Variants in OSBP2 observed in about 807,000 individuals in gnomAD.
OSBP2 encodes the protein oxysterol binding protein 2, also known as oxysterol-binding protein 2.
In OSBP2, 66 loss-of-function variants were observed where a neutral mutation model predicts 96.0. That is an observed-to-expected ratio of 0.69 (90% CI 0.56 to 0.84). The LOEUF (loss-of-function observed/expected upper bound fraction) is 0.84, where lower values mean the gene tolerates loss of function less well. Among genes scored for constraint, OSBP2 ranks in the 40% least tolerant of loss-of-function variants. OSBP2 has a pLI of 0.00. For missense variants in OSBP2, 1,038 were observed against 1,222.7 expected (o/e 0.85, Z 2.25); for synonymous variants, 525 against 520.9 (o/e 1.01, Z -0.11).
At chr22:30,709,548 ACT>A (rs2089310412) in intron 1 of OSBP2, among the ~76,000 whole-genome samples, 1 of 151,144 alleles carries the variant, frequency 6.6e-6, no homozygotes, top group Admixed American at 6.6e-5. Flanking sequence ...ACAGAGTCTC[ACT>A]CTGTCTCCAG....
At chr22:30,730,497 T>G (rs553989355) in intron 1 of OSBP2, among the ~76,000 whole-genome samples, 1 of 152,146 alleles carries the variant, frequency 6.6e-6, no homozygotes, top group Admixed American at 6.6e-5. Context: ...TTTATTTTTG[T>G]ATCTACTCCC....
chr22:30,870,641 C>T lies in OSBP2; in HGVS notation c.1066C>T (p.Arg356Trp), dbSNP rs773995691. The T allele has an allele frequency of 4.3e-6, 7 of 1,613,768 alleles. No individual in the cohort carries two copies. The highest frequency in any genetic ancestry group is 2.2e-5 in the East Asian group (1 of 44,870). ...SGEKLKVVNE[R>W]ATLFRITSNA... ...GGAGAAGCTGAAGGTGGTGAATGAG[C>T]GGGCCACCCTCTTCCGCATCACATC... Residue 356 changes from arginine to tryptophan, a missense_variant, in exon 3 of 14, where the codon CGG becomes TGG. By Grantham distance (101) the Arg-to-Trp change is moderately radical. Transcript: ENST00000332585. The surrounding 1 kb of genome is among the most constrained non-coding windows in gnomAD (Gnocchi z 4.1).
At chr22:30,863,163 T>G (rs1056151502) in intron 2 of OSBP2, among the ~76,000 whole-genome samples, 1 of 152,076 alleles carries the variant, frequency 6.6e-6, no homozygotes, top group Non-Finnish European at 1.5e-5. Context: ...TCAAACACGG[T>G]GACGTTGCTT....
intron 1 of OSBP2, among the ~76,000 whole-genome samples, chr22:30,725,761 T>C (rs531691661): frequency 5.9e-5 from 9 of 151,998 alleles, no homozygotes; most frequent in Non-Finnish European, 1.3e-4. Context: ...GCTTTTCTAA[T>C]TTATGGCCCT....
At chr22:30,889,275 C>T (rs1343611546) in intron 6 of OSBP2, 41 bp downstream of exon 6, 3 of 1,589,590 alleles carry the variant, frequency 1.9e-6, no homozygotes, top group Non-Finnish European at 2.6e-6. Flanking sequence ...AAGGCAGCTT[C>T]TGGCCTAGGG....
At chr22:30,705,994 G>A (rs187889450) in intron 1 of OSBP2, among the ~76,000 whole-genome samples, 14 of 152,294 alleles carry the variant, frequency 9.2e-5, no homozygotes, top group Non-Finnish European at 1.5e-5. Context: ...AACTATGTCA[G>A]TAAAGAAAGA....
intron 2 of OSBP2, among the ~76,000 whole-genome samples, chr22:30,809,237 G>C (rs963353704): frequency 6.6e-6 from 1 of 152,200 alleles, no homozygotes; most frequent in South Asian, 2.1e-4. Flanking sequence ...ATTTTTGGCA[G>C]CCCTAGGAAA....
At chr22:30,892,675 G>A (rs1602428412) in intron 8 of OSBP2, among the ~76,000 whole-genome samples, 1 of 152,142 alleles carries the variant, frequency 6.6e-6, no homozygotes, top group Non-Finnish European at 1.5e-5. Flanking sequence ...GCCAGAGGCA[G>A]GGCCCGACTG....
At position 30,842,027 on chromosome 22, in the gene OSBP2, C is replaced by A. The variant is rs555796686; in HGVS notation, c.854-28402C>A. Among the ~76,000 whole-genome samples the A allele has an allele frequency of 1.2e-4, 18 of 152,094 alleles. No individual in the cohort carries two copies. In the East Asian group the frequency reaches 3.5e-3, roughly 29 times the overall value. On this transcript the variant is annotated intron_variant, in intron 2 of 13. Coordinates refer to ENST00000332585, the MANE Select transcript of OSBP2 (RefSeq NM_030758.4). ...GTGGAGAGGTCACAGCTCACTGGAG[C>A]CTTCACCTCCCTGGGCTCAGGTGAT...
At chr22:30,877,684 C>A (rs1392503723) in intron 3 of OSBP2, among the ~76,000 whole-genome samples, 1 of 152,228 alleles carries the variant, frequency 6.6e-6, no homozygotes, top group Non-Finnish European at 1.5e-5. Flanking sequence ...GGCAGCTGGG[C>A]TCCATCCTGC....
At chr22:30,885,249 G>C (rs897986046) in intron 3 of OSBP2, among the ~76,000 whole-genome samples, 1 of 152,174 alleles carries the variant, frequency 6.6e-6, no homozygotes, top group Non-Finnish European at 1.5e-5. Context: ...GGAAGTGCTG[G>C]GGAGTGGCAG....
chr22:30,799,422 C>T (rs1168701326), intron 2 of OSBP2, among the ~76,000 whole-genome samples: 3 of 152,240 alleles, frequency 2.0e-5, no homozygotes, highest in Admixed American at 2.0e-4. Context: ...CCACGCCCAG[C>T]CTGCAAGGGT....
chr22:30,744,061 T>C (rs1200504461), intron 2 of OSBP2, among the ~76,000 whole-genome samples: 2 of 152,198 alleles, frequency 1.3e-5, no homozygotes, highest in African/African-American at 4.8e-5. Context: ...ATTCCTCTCC[T>C]GTTGGCTTTT....
At chr22:30,845,630 T>G (rs2038852753) in intron 2 of OSBP2, among the ~76,000 whole-genome samples, 1 of 151,112 alleles carries the variant, frequency 6.6e-6, no homozygotes, top group African/African-American at 2.4e-5. Context: ...ACACCTGTAA[T>G]CCCAACACTT....
At chr22:30,887,331 C>G (rs1010378742) in intron 3 of OSBP2, 95 bp from the exon 4 acceptor site, 1 of 1,027,704 alleles carries the variant, frequency 9.7e-7, no homozygotes, top group African/African-American at 1.6e-5. Flanking sequence ...TTACCCAGCT[C>G]CTGTTTAAGG....
chr22:30,890,429 C>T lies in OSBP2; in HGVS notation c.1624-299C>T, dbSNP rs1005435666. 3.9e-5 allele frequency among the ~76,000 whole-genome samples: 6 copies of T among 152,210 alleles called. No homozygotes were observed. Among genetic ancestry groups the T allele is most frequent in the African/African-American group, 1.2e-4 (5 of 41,436 alleles). Reference sequence around the variant, plus strand: ...TCTGCACTCAAGATACAGCAGTGGGCCAGGCAGAACCCCTGGCCTTGGTGG... The same window carrying T: ...TCTGCACTCAAGATACAGCAGTGGGTCAGGCAGAACCCCTGGCCTTGGTGG... On this transcript the variant is annotated intron_variant, in intron 7 of 13. Transcript: ENST00000332585. This position sits in a 1 kb window ranked among gnomAD's most constrained non-coding sequence, Gnocchi z 4.4.
At chr22:30,824,640 C>G (rs2038359528) in intron 2 of OSBP2, among the ~76,000 whole-genome samples, 1 of 152,180 alleles carries the variant, frequency 6.6e-6, no homozygotes, top group Admixed American at 6.5e-5. Context: ...AGCATGCAAA[C>G]AGGGTGAGAC....
chr22:30,867,978 C>T (rs558291297), intron 2 of OSBP2, among the ~76,000 whole-genome samples: 62 of 152,376 alleles, frequency 4.1e-4, no homozygotes, highest in African/African-American at 1.4e-3. Flanking sequence ...ATGACGTGTG[C>T]CTCAGGGACA....
chr22:30,714,359 A>G (rs889594224), intron 1 of OSBP2, among the ~76,000 whole-genome samples: 6 of 152,090 alleles, frequency 3.9e-5, no homozygotes, highest in Admixed American at 1.3e-4. Flanking sequence ...TAGTTCTACA[A>G]TAAATATGGA....
Sources: allele counts gnomAD v4.1 joint callset (sites outside exome capture counted in the v4.1 genomes callset), GRCh38; gene constraint gnomAD v4.1.1; non-coding constraint Gnocchi (gnomAD v3.1); transcripts MANE v1.5; gene names NCBI Gene and HGNC (gene_info 2026-07-23, HGNC 2026-07-21).